The following ZNF599 variants were observed in gnomAD, a reference collection of about 807,000 sequenced individuals.
ZNF599 encodes the protein zinc finger protein 599.
A neutral mutation model predicts 11.7 loss-of-function variants in ZNF599; 10 were observed. That is an observed-to-expected ratio of 0.86 (90% CI 0.53 to 1.45). The LOEUF (loss-of-function observed/expected upper bound fraction) is 1.45. Among genes scored for constraint, ZNF599 ranks in the 40% most tolerant of loss-of-function variants. ZNF599 has a pLI of 0.00. For missense variants in ZNF599, 688 were observed against 713.6 expected (o/e 0.96, Z 0.41); for synonymous variants, 232 against 253.2 (o/e 0.92, Z 0.79).
At chr19:34,763,812 G>A (rs1600156423) in intron 3 of ZNF599, 1 of 152,076 alleles carries the variant, frequency 6.6e-6, no homozygotes, top group Non-Finnish European at 1.5e-5. Flanking sequence ...GGCTGGGTGT[G>A]GGGGCTCACA....
intron 1 of ZNF599, chr19:34,772,377 T>C: frequency 2.0e-6 from 2 of 998,892 alleles, no homozygotes; most frequent in Non-Finnish European, 2.4e-6. Flanking sequence ...CAGCTTTTGG[T>C]AGGGCCAGAC....
At chr19:34,793,658 G>T in the ZNF599 span, among the ~76,000 whole-genome samples, 3 of 152,170 alleles carry the variant, frequency 2.0e-5, no homozygotes, top group African/African-American at 7.2e-5. Context: ...GCCCAGGAGG[G>T]TTCTTGGTTT....
chr19:34,771,554 G>A (rs947894592), intron 1 of ZNF599, among the ~76,000 whole-genome samples: 3 of 152,262 alleles, frequency 2.0e-5, no homozygotes, highest in South Asian at 4.2e-4. Context: ...ACACATCCAG[G>A]AGCAGCCTTG....
chr19:34,758,827 A>G lies in ZNF599; in HGVS notation c.*207T>C, dbSNP rs2069087945. 1.7e-6 allele frequency: 1 copy of G among 572,630 alleles called. No homozygotes were observed. Among genetic ancestry groups the G allele is most frequent in the Non-Finnish European group, 3.0e-6 (1 of 329,748 alleles). The allele number at this position is 572,630 out of a possible 1,614,324, so 35.5% of individuals were successfully genotyped here. ...AGGCTCTAAACTGGGTGAATCTTTA[A>G]TATAATTCTTTGGATGACAAGTGAT... On this transcript the variant is annotated 3_prime_UTR_variant, in exon 4 of 4. Coordinates refer to ENST00000329285, the MANE Select transcript of ZNF599 (RefSeq NM_001007248.3).
the ZNF599 span, among the ~76,000 whole-genome samples, chr19:34,786,444 T>C: frequency 2.0e-5 from 3 of 150,924 alleles, no homozygotes; most frequent in African/African-American, 7.4e-5. Flanking sequence ...TTACTATTCT[T>C]TAACAAGCGT....
At chr19:34,795,247 A>G in the ZNF599 span, among the ~76,000 whole-genome samples, 2 of 152,116 alleles carry the variant, frequency 1.3e-5, no homozygotes, top group Non-Finnish European at 2.9e-5. Context: ...GGTTAGTAAA[A>G]TTATGTAGCC....
chr19:34,786,283 T>C, the ZNF599 span, among the ~76,000 whole-genome samples: 398 of 152,248 alleles, frequency 2.6e-3, no homozygotes, highest in Non-Finnish European at 4.7e-3. Flanking sequence ...TGCTTTTCCA[T>C]TTATTGACCC....
rs113781383 is a variant in ZNF599 at position 34,765,467 on chromosome 19, T to C, written c.241+1849A>G. 322 of 667,490 alleles carry C rather than the reference T, an allele frequency of 4.8e-4. 1 individual carries two copies. Among genetic ancestry groups the C allele is most frequent in the African/African-American group, 4.8e-3 (269 of 56,592 alleles). The allele number at this position is 667,490 out of a possible 1,614,324, so 41.3% of individuals were successfully genotyped here. A position where few individuals can be genotyped will look rare whatever the true frequency, so the allele number is the denominator to read the frequency against. The stretch of plus-strand genomic sequence containing the variant: ...AAGCTGTGCCTGGACTCCCAATCCA[T>C]AGGTGGGAGATAATAAATAAGTGAT... On this transcript the variant is annotated intron_variant, in intron 3 of 3. Coordinates refer to ENST00000329285, the MANE Select transcript of ZNF599 (RefSeq NM_001007248.3).
At chr19:34,804,747 A>G in the ZNF599 span, among the ~76,000 whole-genome samples, 1 of 152,202 alleles carries the variant, frequency 6.6e-6, no homozygotes, top group African/African-American at 2.4e-5. Context: ...TGGAGTCTTA[A>G]TTAGGCAAAA....
intron 2 of ZNF599, among the ~76,000 whole-genome samples, chr19:34,769,075 C>T (rs961721731): frequency 3.3e-5 from 5 of 152,182 alleles, no homozygotes; most frequent in Non-Finnish European, 7.3e-5. Context: ...GTCAATCACC[C>T]GCTGCTTGTA....
the ZNF599 span, among the ~76,000 whole-genome samples, chr19:34,807,221 G>A: frequency 6.6e-6 from 1 of 152,198 alleles, no homozygotes; most frequent in Non-Finnish European, 1.5e-5. Flanking sequence ...AAACACCAGG[G>A]CCTAGACTGA....
chr19:34,783,885 A>G, the ZNF599 span, among the ~76,000 whole-genome samples: 1 of 152,020 alleles, frequency 6.6e-6, no homozygotes, highest in Admixed American at 6.5e-5. Context: ...GTGAAGCCCC[A>G]ATTGCCGCTG....
At position 34,760,008 on chromosome 19, in the gene ZNF599, T is replaced by G. The variant is rs764316978; in HGVS notation, c.793A>C (p.Lys265Gln). 6.2e-7 allele frequency: 1 copy of G among 1,614,182 alleles called. No homozygotes were observed. ...YKCIECGKAFKRRFHLTEHQR... is the reference protein window; with the variant it reads ...YKCIECGKAFQRRFHLTEHQR... ...TGCTCCGTGAGGTGAAACCTGCGTT[T>G]GAAGGCTTTCCCACACTCAATACAC... is the stretch of plus-strand genomic sequence containing the variant. Residue 265 changes from lysine (K) to glutamine (Q), a missense_variant, in exon 4 of 4, where the codon AAA (lysine) becomes CAA (glutamine). Transcript: ENST00000329285.
chr19:34,771,073 G>A (rs1365339896), intron 1 of ZNF599, among the ~76,000 whole-genome samples: 2 of 152,050 alleles, frequency 1.3e-5, no homozygotes, highest in South Asian at 4.2e-4. Flanking sequence ...TCAGGAGTTC[G>A]AGGCCAGCCT....
At chr19:34,777,383 AATTAATATATAAT>A (rs1174286810), upstream of ZNF599, among the ~76,000 whole-genome samples, 2 of 89,642 alleles carry the variant, frequency 2.2e-5, no homozygotes, top group African/African-American at 4.6e-5. Context: ...ATTATATATT[AATTAATATATAAT>A]ATATATTATA....
chr19:34,778,102 C>T (rs935229786), upstream of ZNF599, among the ~76,000 whole-genome samples: 2 of 151,850 alleles, frequency 1.3e-5, no homozygotes, highest in African/African-American at 2.4e-5. Context: ...AAGTTGTATA[C>T]AATAAATATG....
chr19:34,807,137 A>G, the ZNF599 span, among the ~76,000 whole-genome samples: 1 of 152,116 alleles, frequency 6.6e-6, no homozygotes, highest in South Asian at 2.1e-4. Flanking sequence ...GTCTGTAACA[A>G]TCTTCTGTGA....
At chr19:34,791,941 A>G in the ZNF599 span, 1 of 152,214 alleles carries the variant, frequency 6.6e-6, no homozygotes, top group Non-Finnish European at 1.5e-5. Context: ...TAGGACAGCA[A>G]TATTTGGGTA....
chr19:34,792,428 C>T, the ZNF599 span, among the ~76,000 whole-genome samples: 1 of 152,174 alleles, frequency 6.6e-6, no homozygotes. Context: ...TGATGCCTGA[C>T]TTTCTGCTCT....
Sources: allele counts gnomAD v4.1 joint callset (sites outside exome capture counted in the v4.1 genomes callset), GRCh38; gene constraint gnomAD v4.1.1; transcripts MANE v1.5; gene names NCBI Gene and HGNC (gene_info 2026-07-23, HGNC 2026-07-21).